DAW1: variants seen among roughly 807,000 people sequenced by gnomAD.
The protein encoded by DAW1 is dynein assembly factor with WD repeats 1.
In DAW1, 47 loss-of-function variants were observed where a neutral mutation model predicts 56.5. That is an observed-to-expected ratio of 0.83 (90% CI 0.66 to 1.06). The LOEUF (loss-of-function observed/expected upper bound fraction) is 1.06, where lower values mean the gene tolerates loss of function less well. DAW1 is among the 50% of genes least tolerant of loss of function. DAW1 has a pLI of 0.00. For synonymous variants in DAW1, 190 were observed against 179.0 expected (o/e 1.06, Z -0.49); for missense variants, 505 against 499.3 (o/e 1.01, Z -0.11).
chr2:227,880,512 T>C (rs1046189940), intron 1 of DAW1, among the ~76,000 whole-genome samples: 3 of 152,300 alleles, frequency 2.0e-5, no homozygotes, highest in Admixed American at 6.5e-5. Flanking sequence ...GAACTACTTC[T>C]TGGGGGGAAA....
Position 227,923,922 on chromosome 2 carries a change from C to A in DAW1, c.1214-12C>A. On this transcript the variant is annotated splice_polypyrimidine_tract_variant and intron_variant, in intron 12 of 12. Coordinates refer to ENST00000309931, the MANE Select transcript of DAW1 (RefSeq NM_178821.3). Reference sequence around the variant, plus strand: ...GAAGAAAAAAATAACTGCATGAAATCTGTTTTATTAGGCAGCAAGGATAAT... The same window carrying A: ...GAAGAAAAAAATAACTGCATGAAATATGTTTTATTAGGCAGCAAGGATAAT... 6.2e-7 allele frequency: 1 copy of A among 1,613,648 alleles called. No homozygotes were observed.
Position 227,889,849 on chromosome 2 carries a change from A to T in DAW1, c.114-7A>T, listed in dbSNP as rs778249285. On this transcript the variant is annotated splice_polypyrimidine_tract_variant and splice_region_variant and intron_variant, in intron 2 of 12. Transcript: ENST00000309931. ...ATAAAAGAAACTCTTTTTTGGGTGT[A>T]TTTCAGCACTGATGTCAGTGCGTTA... 5 of 1,556,286 alleles carry T rather than the reference A, an allele frequency of 3.2e-6. No individual in the cohort carries two copies. Among genetic ancestry groups the T allele is most frequent in the Admixed American group, 4.5e-5 (2 of 44,496 alleles).
At chr2:227,909,329 T>C (rs1691764740) in intron 10 of DAW1, among the ~76,000 whole-genome samples, 1 of 148,262 alleles carries the variant, frequency 6.7e-6, no homozygotes. Flanking sequence ...ATTTTATGTA[T>C]TTTTTATATT....
At chr2:227,923,622 G>A (rs901278526) in intron 12 of DAW1, among the ~76,000 whole-genome samples, 10 of 152,090 alleles carry the variant, frequency 6.6e-5, no homozygotes, top group African/African-American at 2.2e-4. Flanking sequence ...TTGAGGGGAC[G>A]GCAGAGGGGA....
At chr2:227,897,692 A>G (rs1691444667) in intron 5 of DAW1, among the ~76,000 whole-genome samples, 1 of 152,232 alleles carries the variant, frequency 6.6e-6, no homozygotes, top group Non-Finnish European at 1.5e-5. Flanking sequence ...TTACAACTGG[A>G]ATAATATAGG....
chr2:227,879,204 C>T (rs370541158), intron 1 of DAW1, among the ~76,000 whole-genome samples: 2 of 152,200 alleles, frequency 1.3e-5, no homozygotes, highest in African/African-American at 2.4e-5. Flanking sequence ...AGCCACCTAA[C>T]ACGTGACAGT....
chr2:227,907,516 G>A (rs1032250243), intron 10 of DAW1, among the ~76,000 whole-genome samples: 1 of 152,066 alleles, frequency 6.6e-6, no homozygotes, highest in Non-Finnish European at 1.5e-5. Context: ...ATCTGTATAT[G>A]ATGCTATATT....
chr2:227,923,950 C>T lies in DAW1; in HGVS notation c.1230C>T (p.Thr410=), dbSNP rs1475326611. ...TTTTATTAGGCAGCAAGGATAATAC[C>T]TGTAGGATATGGCGTTGACTGAAGG... ...NIVITGSKDN[T]CRIWR is the part of the protein sequence containing the mutation. Residue 410 remains threonine, a synonymous_variant, in exon 13 of 13, where the codon ACC becomes ACT. Coordinates refer to ENST00000309931, the MANE Select transcript of DAW1 (RefSeq NM_178821.3). 1.2e-6 allele frequency: 2 copies of T among 1,613,882 alleles called. No homozygotes were observed. The highest frequency in any genetic ancestry group is 1.7e-6 in the Non-Finnish European group (2 of 1,179,924).
chr2:227,876,723 A>G (rs1054130940), intron 1 of DAW1, among the ~76,000 whole-genome samples: 1 of 152,226 alleles, frequency 6.6e-6, no homozygotes, highest in Non-Finnish European at 1.5e-5. Flanking sequence ...CTAAATGTAC[A>G]TGCCAGTGAC....
intron 10 of DAW1, among the ~76,000 whole-genome samples, chr2:227,918,142 G>GTCCGTCCA (rs1553604189): frequency 1.1e-3 from 93 of 82,018 alleles, no homozygotes; most frequent in African/African-American, 3.8e-3. Context: ...CCATCCATCC[G>GTCCGTCCA]TCCATCCATC....
At chr2:227,881,853 A>G (rs772692847) in intron 1 of DAW1, among the ~76,000 whole-genome samples, 4 of 148,554 alleles carry the variant, frequency 2.7e-5, no homozygotes, top group Non-Finnish European at 4.4e-5. Context: ...CCTGGGTTCA[A>G]GCGATTCTCC....
intron 10 of DAW1, among the ~76,000 whole-genome samples, chr2:227,913,346 G>A (rs1205133572): frequency 6.6e-6 from 1 of 152,114 alleles, no homozygotes; most frequent in Non-Finnish European, 1.5e-5. Context: ...TTATAACCAT[G>A]TGTTATATCT....
chr2:227,879,835 C>G (rs1297302887), intron 1 of DAW1, among the ~76,000 whole-genome samples: 1 of 152,012 alleles, frequency 6.6e-6, no homozygotes. Flanking sequence ...ACAATACATT[C>G]TTTCTCTATT....
Position 227,891,131 on chromosome 2 carries a change from AT to A in DAW1, c.259-123del, listed in dbSNP as rs2106194799. ...GCCACATAGCACTGTCTAAAGGTAA[AT>A]CAGATATTGCCTGTTTCTGATGTAT... On this transcript the variant is annotated intron_variant, in intron 3 of 12. Coordinates refer to ENST00000309931, the MANE Select transcript of DAW1 (RefSeq NM_178821.3). The A allele has an allele frequency of 9.9e-6, 8 of 806,372 alleles. No individual in the cohort carries two copies. In the South Asian group the frequency reaches 1.2e-4, roughly 12 times the overall value. 50.0% of individuals were successfully genotyped at this position (806,372 alleles called of 1,614,324 possible).
intron 11 of DAW1, 133 bp from the exon 12 acceptor site, chr2:227,921,266 T>C (rs1692099946): frequency 2.1e-6 from 2 of 963,510 alleles, no homozygotes; most frequent in Non-Finnish European, 2.9e-6. Context: ...TATGCAAGAA[T>C]AAATACCAGA....
intron 5 of DAW1, chr2:227,895,645 G>A (rs1057233363): frequency 6.6e-6 from 1 of 152,286 alleles, no homozygotes; most frequent in African/African-American, 2.4e-5. Flanking sequence ...GCCAGTCTCT[G>A]TAGTGACTCA....
chr2:227,897,097 A>G (rs1178068073), intron 5 of DAW1, among the ~76,000 whole-genome samples: 1 of 151,384 alleles, frequency 6.6e-6, no homozygotes, highest in Admixed American at 6.6e-5. Context: ...AAAAAAGAAA[A>G]AAAAAAAAAA....
intron 2 of DAW1, 37 bp from the exon 3 acceptor site, chr2:227,889,819 A>G (rs1295523467): frequency 6.6e-7 from 1 of 1,522,482 alleles, no homozygotes; most frequent in African/African-American, 1.4e-5. Flanking sequence ...AAATTTTGAC[A>G]TAAAATAAAA....
At position 227,923,673 on chromosome 2, in the gene DAW1, A is replaced by G. The variant is rs1026123903; in HGVS notation, c.1214-261A>G. ...CATTCTCAAGTTCTCTCCCATTCTG[A>G]GAAGCCATGAATCTTGCTAGTGTAA... is the stretch of plus-strand genomic sequence containing the variant. On this transcript the variant is annotated intron_variant, in intron 12 of 12. Coordinates refer to ENST00000309931, the MANE Select transcript of DAW1 (RefSeq NM_178821.3). 2.0e-5 allele frequency among the ~76,000 whole-genome samples: 3 copies of G among 152,140 alleles called. No homozygotes were observed. The South Asian group carries it at 6.2e-4, about 32-fold the overall frequency.
Sources: allele counts gnomAD v4.1 joint callset (sites outside exome capture counted in the v4.1 genomes callset), GRCh38; gene constraint gnomAD v4.1.1; transcripts MANE v1.5; gene names NCBI Gene and HGNC (gene_info 2026-07-23, HGNC 2026-07-21).